Variants in IQGAP1 observed in about 807,000 individuals in gnomAD.
IQGAP1 encodes the protein ras GTPase-activating-like protein IQGAP1.
Under a neutral mutation model 215.6 loss-of-function variants are expected in IQGAP1, and 66 were observed. The ratio of observed to expected loss-of-function variants is 0.31; its 90% CI spans 0.25 to 0.38. IQGAP1 has a LOEUF of 0.38. IQGAP1 is among the 10% of genes least tolerant of loss of function. IQGAP1 has a pLI of 1.00. For synonymous variants in IQGAP1, 772 were observed against 728.7 expected, an observed-to-expected ratio of 1.06 and a Z score of -0.96; for missense variants, 1,712 against 1,997.1, an observed-to-expected ratio of 0.86 and a Z score of 2.72.
chr15:90,439,314 G>T lies in IQGAP1; in HGVS notation c.468-18G>T. The stretch of plus-strand genomic sequence containing the variant: ...GCACAGCTGGGAGGCCTAACCTTTT[G>T]CATATTGTATCTTCTAGTTTGTACC... On this transcript the variant is annotated intron_variant, in intron 5 of 37. Transcript: ENST00000268182. 1.2e-6 allele frequency: 2 copies of T among 1,608,652 alleles called. No individual in the cohort carries two copies. The highest frequency in any genetic ancestry group is 1.7e-6 in the Non-Finnish European group (2 of 1,176,214).
At chr15:90,390,194 G>A (rs1303755010) in intron 1 of IQGAP1, among the ~76,000 whole-genome samples, 1 of 152,204 alleles carries the variant, frequency 6.6e-6, no homozygotes, top group Non-Finnish European at 1.5e-5. Flanking sequence ...TGGTGCCCAT[G>A]AAGGAAGCAG....
At chr15:90,442,199 G>T (rs1182906693) in intron 8 of IQGAP1, among the ~76,000 whole-genome samples, 2 of 152,184 alleles carry the variant, frequency 1.3e-5, no homozygotes, top group African/African-American at 2.4e-5. Context: ...TTAGTTAAAT[G>T]ATTCTGACTT....
chr15:90,409,588 TG>T (rs1233055306), intron 2 of IQGAP1, among the ~76,000 whole-genome samples: 1 of 152,190 alleles, frequency 6.6e-6, no homozygotes. Context: ...TTGCCCAGCC[TG>T]GCCTCGAACT....
chr15:90,477,253 C>T (rs1279864460), intron 25 of IQGAP1, 23 bp downstream of exon 25: 2 of 1,606,952 alleles, frequency 1.2e-6, no homozygotes, highest in African/African-American at 1.3e-5. Context: ...TTCCTCAGGG[C>T]ACAGGCCCCT....
chr15:90,388,320 C>G lies in IQGAP1; in HGVS notation c.-22C>G. 1.9e-6 allele frequency: 3 copies of G among 1,597,642 alleles called. No homozygotes were observed. Among genetic ancestry groups the G allele is most frequent in the Non-Finnish European group, 2.6e-6 (3 of 1,173,492 alleles). ...CTCCAAGGTTTCACGGCTTCCTCAG[C>G]AGAGACTCGGGCTCGTCCGCCATGT... On this transcript the variant is annotated 5_prime_UTR_variant, in exon 1 of 38. Transcript: ENST00000268182.
intron 2 of IQGAP1, among the ~76,000 whole-genome samples, chr15:90,418,938 G>C (rs1206765365): frequency 1.3e-5 from 2 of 152,136 alleles, no homozygotes; most frequent in African/African-American, 4.8e-5. Flanking sequence ...CTTGAGCCCA[G>C]GAGTTTGGAC....
chr15:90,456,263 T>A lies in IQGAP1; in HGVS notation c.1724T>A (p.Val575Glu). Residue 575 changes from valine (V) to glutamate (E), a missense_variant, in exon 15 of 38, where the codon GTG becomes GAG. Physicochemically the swap from Val to Glu is moderately radical, Grantham distance 121. Around this residue, in one of 2 missense-constraint regions of IQGAP1, gnomAD observed 1,021 missense variants for 1,074.2 expected, o/e 0.95. Coordinates refer to ENST00000268182, the MANE Select transcript of IQGAP1 (RefSeq NM_003870.4). ...AAKLEGVLAE[V>E]AQHYQDTLIR... ...AAACTTGAGGGAGTCCTTGCAGAAG[T>A]GGCCCAGCATTACCAAGACACGCTG... is the stretch of plus-strand genomic sequence containing the variant. 2 of 1,613,978 alleles carry A rather than the reference T, an allele frequency of 1.2e-6. No individual in the cohort carries two copies. Among genetic ancestry groups the A allele is most frequent in the Non-Finnish European group, 1.7e-6 (2 of 1,179,964 alleles).
At chr15:90,473,115 G>A (rs1965928935) in intron 19 of IQGAP1, 105 bp downstream of exon 19, 2 of 1,024,436 alleles carry the variant, frequency 2.0e-6, no homozygotes, top group Admixed American at 2.1e-5. Context: ...TTGAGTGCTG[G>A]ACTCTTAGTC....
In IQGAP1 at chr15:90,429,598, C is replaced by A; in HGVS notation, c.322C>A (p.Leu108Ile). The A allele has an allele frequency of 6.3e-7, 1 of 1,596,622 alleles. No homozygotes were observed. The highest frequency in any genetic ancestry group is 8.5e-7 in the Non-Finnish European group (1 of 1,174,850). ...REQTRYKATG[L>I]HFRHTDNVIQ... ...TCTTTTTTTTTTCTAGGCGACTGGCCTCCACTTTAGACACACTGATAATGT... is the reference window on the plus strand; with the variant it reads ...TCTTTTTTTTTTCTAGGCGACTGGCATCCACTTTAGACACACTGATAATGT... Residue 108 changes from leucine to isoleucine, a missense_variant, in exon 4 of 38, where the codon CTC (leucine) becomes ATC (isoleucine). Physicochemically the swap from Leu to Ile is conservative, Grantham distance 5 (BLOSUM62 2). Coordinates refer to ENST00000268182, the MANE Select transcript of IQGAP1 (RefSeq NM_003870.4).
chr15:90,487,231 A>G (rs1966139244), intron 32 of IQGAP1, 142 bp downstream of exon 32: 26 of 795,166 alleles, frequency 3.3e-5, no homozygotes, highest in South Asian at 1.5e-4. Flanking sequence ...ATCACCTCGC[A>G]TATTGTACTT....
Position 90,456,148 on chromosome 15 carries a change from T to G in IQGAP1, c.1613-4T>G, listed in dbSNP as rs1011347137. The stretch of plus-strand genomic sequence containing the variant: ...AAAAAAACTTTCTGTCTCTTTATAT[T>G]TAGGGATTTTAGCCATTGGTTTAAT... On this transcript the variant is annotated splice_polypyrimidine_tract_variant and splice_region_variant and intron_variant, in intron 14 of 37. Transcript: ENST00000268182. 1.9e-6 allele frequency: 3 copies of G among 1,611,562 alleles called. No homozygotes were observed. The African/African-American group carries it at 4.0e-5, about 22-fold the overall frequency.
At chr15:90,436,505 C>G (rs1254737505) in intron 5 of IQGAP1, among the ~76,000 whole-genome samples, 2 of 152,178 alleles carry the variant, frequency 1.3e-5, no homozygotes, top group African/African-American at 4.8e-5. Flanking sequence ...ATAGTGACTT[C>G]TAGGTTACTC....
chr15:90,429,690 T>A, intron 4 of IQGAP1, 24 bp downstream of exon 4: 2 of 1,497,396 alleles, frequency 1.3e-6, no homozygotes, highest in Non-Finnish European at 1.8e-6. Context: ...GATAATAGTT[T>A]AGGCTTTGTT....
rs567600996 is a variant in IQGAP1 at position 90,435,688 on chromosome 15, C to A, written c.467+1893C>A. ...CTGCAGTGTAACCTGGGTTCCAGGC[C>A]CTCAAATTCTCTGTAGTAGAGCCTA... On this transcript the variant is annotated intron_variant, in intron 5 of 37. Transcript: ENST00000268182. Among the ~76,000 whole-genome samples the A allele has an allele frequency of 2.0e-5, 3 of 152,282 alleles. No individual in the cohort carries two copies. In the East Asian group the frequency reaches 5.8e-4, roughly 29 times the overall value.
intron 2 of IQGAP1, among the ~76,000 whole-genome samples, chr15:90,409,424 G>T (rs1964926060): frequency 6.6e-6 from 1 of 151,966 alleles, no homozygotes; most frequent in Non-Finnish European, 1.5e-5. Context: ...TTTTAGTAGA[G>T]ATGGGGTCTT....
intron 34 of IQGAP1, 118 bp from the exon 35 acceptor site, chr15:90,492,419 TAAAAAAAA>T: frequency 2.7e-5 from 10 of 370,290 alleles, no homozygotes; most frequent in East Asian, 2.0e-4. Context: ...ACAGAGTGTC[TAAAAAAAA>T]AAAAAAAAAA....
In IQGAP1 at chr15:90,442,118, C is replaced by T. The variant is rs147237687; in HGVS notation, c.828+434C>T. Among the ~76,000 whole-genome samples the T allele has an allele frequency of 3.7e-3, 557 of 152,232 alleles. 3 individuals carry two copies. Among genetic ancestry groups the T allele is most frequent in the African/African-American group, 0.013 (533 of 41,528 alleles). On this transcript the variant is annotated intron_variant, in intron 8 of 37. Coordinates refer to ENST00000268182, the MANE Select transcript of IQGAP1 (RefSeq NM_003870.4). ...TGGAAAGATTATCTCTAAATATTAA[C>T]ATAGTCTTTCCTCTTTCCCAGATTC...
intron 2 of IQGAP1, among the ~76,000 whole-genome samples, chr15:90,403,160 C>T (rs936693158): frequency 1.3e-5 from 2 of 152,106 alleles, no homozygotes; most frequent in African/African-American, 4.8e-5. Flanking sequence ...CCTGTAGTTC[C>T]AGCTACTCGG....
chr15:90,474,009 G>A (rs369436111), intron 21 of IQGAP1, 42 bp downstream of exon 21: 15 of 1,608,572 alleles, frequency 9.3e-6, no homozygotes, highest in African/African-American at 1.3e-5. Context: ...GGGCAATTTT[G>A]CCATATTTTT....
Sources: allele counts gnomAD v4.1 joint callset (sites outside exome capture counted in the v4.1 genomes callset), GRCh38; gene constraint gnomAD v4.1.1; regional missense constraint gnomAD v4.1.1; transcripts MANE v1.5; gene names NCBI Gene and HGNC (gene_info 2026-07-23, HGNC 2026-07-21).